SOX5: variants seen among roughly 807,000 people sequenced by gnomAD.
SOX5 encodes the protein transcription factor SOX-5.
SOX5 carries 9 observed loss-of-function variants against 92.0 expected under a neutral mutation model. That is an observed-to-expected ratio of 0.10 (90% CI 0.06 to 0.17). The LOEUF is 0.17. SOX5 is among the 10% of genes least tolerant of loss of function. The pLI is 1.00. For missense variants in SOX5, 642 were observed against 944.5 expected (o/e 0.68, Z 4.20); for synonymous variants, 344 against 336.3 (o/e 1.02, Z -0.25).
At chr12:23,823,001 A>G (rs1336077011) in intron 3 of SOX5, among the ~76,000 whole-genome samples, 1 of 152,050 alleles carries the variant, frequency 6.6e-6, no homozygotes, top group South Asian at 2.1e-4. Context: ...TTCTGAGCCT[A>G]TGTGTGTCTT....
In SOX5 at chr12:24,101,724, A is replaced by T. The variant is rs547497162; in HGVS notation, c.-2+111619T>A. ...TTCACAAGGGCAAAATGTGATTTCC[A>T]ACCTGGTTCCTCCTACTATCCTATG... On this transcript the variant is annotated intron_variant, in intron 4 of 4. Coordinates refer to the SOX5 transcript ENST00000446891. 5.9e-5 allele frequency among the ~76,000 whole-genome samples: 9 copies of T among 152,298 alleles called. No individual in the cohort carries two copies. The South Asian group carries it at 1.9e-3, about 32-fold the overall frequency.
intron 3 of SOX5, among the ~76,000 whole-genome samples, chr12:24,262,040 C>CA (rs778355804): frequency 3.3e-5 from 5 of 151,904 alleles, no homozygotes; most frequent in Non-Finnish European, 7.4e-5. Flanking sequence ...TAGTGAATGG[C>CA]AAAAAAGAGT....
chr12:24,148,512 A>C (rs1402081426), intron 4 of SOX5, among the ~76,000 whole-genome samples: 1 of 144,338 alleles, frequency 6.9e-6, no homozygotes, highest in Non-Finnish European at 1.5e-5. Context: ...AAAGAGAGAG[A>C]GAGAGAGACA....
chr12:24,236,618 T>C (rs1216520518), intron 3 of SOX5, among the ~76,000 whole-genome samples: 1 of 152,206 alleles, frequency 6.6e-6, no homozygotes, highest in East Asian at 1.9e-4. Context: ...AATTAAAGAC[T>C]CTGAAATGCA....
chr12:24,485,098 G>C (rs1392980570), intron 1 of SOX5, among the ~76,000 whole-genome samples: 1 of 152,160 alleles, frequency 6.6e-6, no homozygotes, highest in Admixed American at 6.6e-5. Flanking sequence ...GCACAGAAAA[G>C]TGGAGATGGG....
At chr12:24,200,415 G>T (rs192177204) in intron 4 of SOX5, among the ~76,000 whole-genome samples, 94 of 152,048 alleles carry the variant, frequency 6.2e-4, no homozygotes, top group African/African-American at 2.2e-3. Context: ...GGGTTTGAAA[G>T]TCAAATATAC....
At chr12:23,767,122 C>T (rs1291296764) in intron 3 of SOX5, among the ~76,000 whole-genome samples, 2 of 151,636 alleles carry the variant, frequency 1.3e-5, no homozygotes, top group Non-Finnish European at 2.9e-5. Context: ...TGGGAGGAGC[C>T]TTTGAGCCTG....
At chr12:24,368,144 C>G (rs972345901) in intron 2 of SOX5, 2 of 152,168 alleles carry the variant, frequency 1.3e-5, no homozygotes, top group South Asian at 4.1e-4. Flanking sequence ...TGAAAGATAG[C>G]AATTATCAAT....
chr12:24,513,420 G>A lies in SOX5; in HGVS notation c.-251+48909C>T, dbSNP rs1421663937. ...ACTCAACACAGAGGTAAGAATTGTT[G>A]GCTTCCCAAATGAAACTTCTTGTTT... On this transcript the variant is annotated intron_variant, in intron 1 of 4. Coordinates refer to the SOX5 transcript ENST00000446891. Among the ~76,000 whole-genome samples the A allele has an allele frequency of 2.0e-5, 3 of 152,124 alleles. No individual in the cohort carries two copies. The East Asian group carries it at 5.8e-4, about 29-fold the overall frequency.
At chr12:23,917,466 T>C (rs1402798293) in intron 1 of SOX5, among the ~76,000 whole-genome samples, 1 of 152,152 alleles carries the variant, frequency 6.6e-6, no homozygotes, top group Non-Finnish European at 1.5e-5. Flanking sequence ...GGCAAGAGAA[T>C]CGCTTGAGCC....
At chr12:24,074,928 C>T (rs146091975) in intron 4 of SOX5, among the ~76,000 whole-genome samples, 1 of 150,170 alleles carries the variant, frequency 6.7e-6, no homozygotes, top group Non-Finnish European at 1.5e-5. Context: ...ACTCTCCAAA[C>T]CTAAATTGAT....
At chr12:23,882,725 A>T (rs1263877436) in intron 2 of SOX5, among the ~76,000 whole-genome samples, 1 of 152,210 alleles carries the variant, frequency 6.6e-6, no homozygotes, top group Non-Finnish European at 1.5e-5. Flanking sequence ...TTTAATGATT[A>T]TATCAGCTGC....
chr12:24,508,478 G>A (rs1949008322), intron 1 of SOX5, among the ~76,000 whole-genome samples: 1 of 152,124 alleles, frequency 6.6e-6, no homozygotes, highest in Non-Finnish European at 1.5e-5. Context: ...AAAAGGGGTT[G>A]GGGGTAAAGA....
intron 1 of SOX5, among the ~76,000 whole-genome samples, chr12:24,529,722 T>G (rs949181254): frequency 2.6e-5 from 4 of 152,044 alleles, no homozygotes; most frequent in Non-Finnish European, 5.9e-5. Context: ...GCTATTCTAG[T>G]TAAAAAGCCA....
At chr12:24,016,080 A>G (rs778837698) in intron 4 of SOX5, among the ~76,000 whole-genome samples, 1 of 152,212 alleles carries the variant, frequency 6.6e-6, no homozygotes, top group Non-Finnish European at 1.5e-5. Flanking sequence ...GAGGATCATC[A>G]GCACCTATGC....
intron 6 of SOX5, among the ~76,000 whole-genome samples, chr12:23,715,157 G>A (rs2092392674): frequency 6.6e-6 from 1 of 152,006 alleles, no homozygotes; most frequent in Admixed American, 6.6e-5. Flanking sequence ...AAATTAGCCG[G>A]GTGCGATGGC....
chr12:24,115,625 G>T (rs1947906774), intron 4 of SOX5, among the ~76,000 whole-genome samples: 1 of 152,036 alleles, frequency 6.6e-6, no homozygotes, highest in South Asian at 2.1e-4. Flanking sequence ...AAAAATTGAA[G>T]ATTTGATAAA....
chr12:24,323,541 A>G (rs1309548145), intron 2 of SOX5, among the ~76,000 whole-genome samples: 1 of 152,088 alleles, frequency 6.6e-6, no homozygotes, highest in Non-Finnish European at 1.5e-5. Context: ...TGTTTTAAAA[A>G]TTAATATATT....
At chr12:23,916,723 T>A in intron 1 of SOX5, among the ~76,000 whole-genome samples, 1 of 152,222 alleles carries the variant, frequency 6.6e-6, no homozygotes, top group Non-Finnish European at 1.5e-5. Context: ...CCTTTCCGGT[T>A]CTTAGAAACC....
Sources: gnomAD v4.1 joint callset for allele counts (sites outside exome capture counted in the v4.1 genomes callset) on GRCh38, gnomAD v4.1.1 for gene constraint, MANE v1.5 for transcripts, NCBI Gene and HGNC (gene_info 2026-07-23, HGNC 2026-07-21) for gene names.